GALNTL6: variants seen among roughly 807,000 people sequenced by gnomAD.
The protein encoded by GALNTL6 is polypeptide N-acetylgalactosaminyltransferase-like 6.
GALNTL6 carries 46 observed loss-of-function variants against 73.7 expected under a neutral mutation model. The observed-to-expected ratio is 0.62, with a 90% CI of 0.49 to 0.80. The LOEUF is 0.80. Ranked by LOEUF, GALNTL6 falls within the 30% of genes least tolerant of loss-of-function variation. GALNTL6 has a pLI of 0.00. For synonymous variants in GALNTL6, 259 were observed against 263.7 expected, an observed-to-expected ratio of 0.98 and a Z score of 0.17; for missense variants, 604 against 755.0, an observed-to-expected ratio of 0.80 and a Z score of 2.34.
At chr4:172,052,658 T>G (rs921399587) in intron 2 of GALNTL6, 5 of 571,826 alleles carry the variant, frequency 8.7e-6, no homozygotes, top group African/African-American at 1.9e-5. Flanking sequence ...CTTTCTTTTG[T>G]GATCACTTTT....
At chr4:172,106,022 A>T (rs564466448) in intron 2 of GALNTL6, among the ~76,000 whole-genome samples, 3 of 152,186 alleles carry the variant, frequency 2.0e-5, no homozygotes, top group African/African-American at 7.2e-5. Flanking sequence ...AAAGATTAAT[A>T]TATCTTTCAA....
intron 3 of GALNTL6, among the ~76,000 whole-genome samples, chr4:172,243,945 G>T (rs953723958): frequency 6.6e-6 from 1 of 152,008 alleles, no homozygotes; most frequent in Admixed American, 6.6e-5. Flanking sequence ...TGGGTTTCTG[G>T]TCATCTTTTA....
chr4:172,961,581 C>T (rs946999406), intron 10 of GALNTL6, among the ~76,000 whole-genome samples: 1 of 152,180 alleles, frequency 6.6e-6, no homozygotes, highest in African/African-American at 2.4e-5. Context: ...TGACCGGCAC[C>T]AGAGTTTTGG....
At chr4:172,402,906 G>A (rs941452519) in intron 5 of GALNTL6, among the ~76,000 whole-genome samples, 8 of 151,988 alleles carry the variant, frequency 5.3e-5, no homozygotes, top group Non-Finnish European at 1.2e-4. Flanking sequence ...AGTATTTCAG[G>A]TCATTATACT....
intron 12 of GALNTL6, among the ~76,000 whole-genome samples, chr4:173,039,011 T>C (rs765924320): frequency 5.9e-5 from 9 of 152,236 alleles, no homozygotes; most frequent in Non-Finnish European, 1.3e-4. Flanking sequence ...AATTTATTAC[T>C]AGTTAGGAAA....
chr4:172,551,563 C>A (rs907352679), intron 5 of GALNTL6, among the ~76,000 whole-genome samples: 3 of 151,846 alleles, frequency 2.0e-5, no homozygotes, highest in Non-Finnish European at 4.4e-5. Flanking sequence ...AATTAAAAAC[C>A]AAATTCCTGA....
chr4:172,521,906 G>T (rs1015775155), intron 5 of GALNTL6, among the ~76,000 whole-genome samples: 2 of 152,148 alleles, frequency 1.3e-5, no homozygotes, highest in Admixed American at 6.6e-5. Context: ...TTATTCATTA[G>T]AATTTTCTAG....
chr4:172,482,084 C>A (rs1368657015), intron 5 of GALNTL6, among the ~76,000 whole-genome samples: 2 of 152,210 alleles, frequency 1.3e-5, no homozygotes, highest in Non-Finnish European at 2.9e-5. Context: ...TGCTGGGGGA[C>A]CCGGCGCCCC....
intron 5 of GALNTL6, among the ~76,000 whole-genome samples, chr4:172,792,738 G>A (rs62329189): frequency 0.14 from 20,353 of 149,504 alleles, 1,629 homozygotes; most frequent in East Asian, 0.25. Context: ...GCTTGGCTGA[G>A]TGTTTGGTCA....
At chr4:172,137,853 A>G (rs1288983468) in intron 2 of GALNTL6, among the ~76,000 whole-genome samples, 1 of 152,190 alleles carries the variant, frequency 6.6e-6, no homozygotes, top group Non-Finnish European at 1.5e-5. Flanking sequence ...TCACTATGCC[A>G]TAGAATAGGA....
chr4:171,828,776 C>T (rs148523112), intron 2 of GALNTL6, among the ~76,000 whole-genome samples: 3,225 of 152,234 alleles, frequency 0.021, 65 homozygotes, highest in Admixed American at 0.048. Context: ...GCACATGCTA[C>T]TGGGCCTAGC....
intron 2 of GALNTL6, among the ~76,000 whole-genome samples, chr4:172,106,445 A>G (rs774565986): frequency 6.6e-6 from 1 of 152,178 alleles, no homozygotes; most frequent in Non-Finnish European, 1.5e-5. Context: ...AAACATGTCC[A>G]TCAGATTGGA....
intron 8 of GALNTL6, among the ~76,000 whole-genome samples, chr4:172,906,189 A>ATCTCT (rs1417878196): frequency 6.6e-6 from 1 of 152,138 alleles, no homozygotes; most frequent in East Asian, 1.9e-4. Context: ...AGAGATATAG[A>ATCTCT]TAGATGTGGA....
intron 5 of GALNTL6, among the ~76,000 whole-genome samples, chr4:172,356,387 T>C (rs1742160368): frequency 6.6e-6 from 1 of 152,144 alleles, no homozygotes; most frequent in Non-Finnish European, 1.5e-5. Flanking sequence ...TGTTCAGTAT[T>C]TCAAGCAGCT....
intron 2 of GALNTL6, among the ~76,000 whole-genome samples, chr4:172,178,667 T>TTA (rs1279552881): frequency 7.6e-6 from 1 of 132,202 alleles, no homozygotes; most frequent in Non-Finnish European, 1.6e-5. Flanking sequence ...TTTTTTTTTT[T>TTA]ATTATACTTT....
At chr4:172,058,430 T>C (rs1418003127) in intron 2 of GALNTL6, among the ~76,000 whole-genome samples, 1 of 152,186 alleles carries the variant, frequency 6.6e-6, no homozygotes, top group Non-Finnish European at 1.5e-5. Flanking sequence ...TTGTCTTCTT[T>C]GATTCAATTT....
chr4:171,979,270 T>C (rs1318707471), intron 2 of GALNTL6, among the ~76,000 whole-genome samples: 1 of 152,232 alleles, frequency 6.6e-6, no homozygotes, highest in African/African-American at 2.4e-5. Context: ...ACCTTCGGTG[T>C]TTTCCCATTC....
At chr4:172,443,748 G>A (rs1731922317) in intron 5 of GALNTL6, among the ~76,000 whole-genome samples, 1 of 152,098 alleles carries the variant, frequency 6.6e-6, no homozygotes, top group Admixed American at 6.6e-5. Flanking sequence ...TCTGGTAAAA[G>A]CTATTAAAAT....
chr4:171,868,817 G>T (rs898511574), intron 2 of GALNTL6, among the ~76,000 whole-genome samples: 1 of 152,078 alleles, frequency 6.6e-6, no homozygotes, highest in African/African-American at 2.4e-5. Context: ...GAGTAGCCAG[G>T]ATTACAGGCG....
Sources: allele counts gnomAD v4.1 joint callset (sites outside exome capture counted in the v4.1 genomes callset), GRCh38; gene constraint gnomAD v4.1.1; transcripts MANE v1.5; gene names NCBI Gene and HGNC (gene_info 2026-07-23, HGNC 2026-07-21).